The following ZNF429 variants were observed in gnomAD, a reference collection of about 807,000 sequenced individuals.
ZNF429 encodes the protein zinc finger protein 429.
ZNF429 carries 53 observed loss-of-function variants against 56.8 expected under a neutral mutation model. The observed-to-expected ratio is 0.93, with a 90% CI of 0.75 to 1.17. The LOEUF is 1.17. Ranked by LOEUF, ZNF429 falls within the 50% of genes most tolerant of loss-of-function variation. The pLI is 0.00. For synonymous variants in ZNF429, 278 were observed against 264.7 expected (o/e 1.05, Z -0.49); for missense variants, 849 against 788.4 (o/e 1.08, Z -0.92).
At chr19:21,535,332 T>TCTTTCTTTCTTTCTTTCTTGCTC in intron 3 of ZNF429, among the ~76,000 whole-genome samples, 5 of 93,492 alleles carry the variant, frequency 5.3e-5, no homozygotes, top group African/African-American at 2.1e-4. Context: ...TCTTTCTCTT[T>TCTTTCTTTCTTTCTTTCTTGCTC]TCTTTTCTTT....
chr19:21,512,446 G>A (rs1193420991), intron 1 of ZNF429, among the ~76,000 whole-genome samples: 4 of 151,932 alleles, frequency 2.6e-5, no homozygotes, highest in African/African-American at 9.7e-5. Context: ...GATCACCTGA[G>A]GTCAGGAGTT....
At chr19:21,535,476 CT>C in intron 3 of ZNF429, among the ~76,000 whole-genome samples, 53 of 46,650 alleles carry the variant, frequency 1.1e-3, no homozygotes, top group Non-Finnish European at 1.4e-3. Context: ...TTCTTTCTTT[CT>C]TTCTTTCTTT....
chr19:21,522,435 C>G (rs922907096), intron 1 of ZNF429, among the ~76,000 whole-genome samples: 12 of 152,210 alleles, frequency 7.9e-5, no homozygotes, highest in African/African-American at 1.2e-4. Context: ...TATAAAAACT[C>G]TTTTGTTCTA....
intron 3 of ZNF429, among the ~76,000 whole-genome samples, chr19:21,535,970 T>G: frequency 1.3e-5 from 2 of 152,220 alleles, no homozygotes; most frequent in South Asian, 4.1e-4. Flanking sequence ...CCAAAGGCAC[T>G]GTGTTTTATT....
chr19:21,532,259 C>G, intron 3 of ZNF429, among the ~76,000 whole-genome samples: 1 of 149,254 alleles, frequency 6.7e-6, no homozygotes, highest in Non-Finnish European at 1.5e-5. Context: ...TTTTTTTTCA[C>G]AGAAATGCAA....
chr19:21,512,925 G>T (rs1018343191), intron 1 of ZNF429, among the ~76,000 whole-genome samples: 25 of 150,824 alleles, frequency 1.7e-4, no homozygotes, highest in African/African-American at 5.6e-4. Flanking sequence ...ACGCTGGAGT[G>T]CAGTGGCGTG....
At chr19:21,506,890 T>G (rs750026134) in intron 1 of ZNF429, among the ~76,000 whole-genome samples, 2 of 148,856 alleles carry the variant, frequency 1.3e-5, no homozygotes, top group Non-Finnish European at 3.0e-5. Context: ...TGCCTCAGCC[T>G]CCTGAGTAGC....
intron 1 of ZNF429, among the ~76,000 whole-genome samples, chr19:21,523,125 G>GT (rs1291323095): frequency 6.6e-6 from 1 of 152,118 alleles, no homozygotes; most frequent in African/African-American, 2.4e-5. Context: ...TGTGCATTGA[G>GT]TAGACATGTG....
Position 21,536,308 on chromosome 19 carries a change from T to C in ZNF429, c.255T>C (p.Phe85=), listed in dbSNP as rs773133379. 5.0e-5 allele frequency: 79 copies of C among 1,587,326 alleles called. No homozygotes were observed. The highest frequency in any genetic ancestry group is 7.7e-6 in the Non-Finnish European group (9 of 1,170,386). The change falls in exon 4 of 4, where the codon TTT becomes TTC. Residue 85 remains phenylalanine, a synonymous_variant. Transcript: ENST00000358491. ...TGTGTTCTCATTTTGCTGAAGACTT[T>C]TGGCCAGAGCAAGACATAAAAGATT... ...PVVCSHFAED[F]WPEQDIKDSF...
chr19:21,511,948 G>A (rs577360931), intron 1 of ZNF429, among the ~76,000 whole-genome samples: 5 of 152,198 alleles, frequency 3.3e-5, no homozygotes, highest in South Asian at 4.1e-4. Context: ...GTGGCGGTGC[G>A]CGCCTGGAAT....
At chr19:21,527,043 T>C (rs998139163) in intron 1 of ZNF429, among the ~76,000 whole-genome samples, 30 of 152,334 alleles carry the variant, frequency 2.0e-4, no homozygotes, top group African/African-American at 7.2e-4. Flanking sequence ...TATGATACTT[T>C]AGTGTACAGA....
intron 1 of ZNF429, among the ~76,000 whole-genome samples, chr19:21,507,007 A>G (rs971791486): frequency 2.0e-5 from 3 of 152,094 alleles, no homozygotes; most frequent in Admixed American, 2.0e-4. Flanking sequence ...ACCTCGGGTG[A>G]TCCGCCCATC....
intron 1 of ZNF429, among the ~76,000 whole-genome samples, chr19:21,526,409 A>G (rs2033175168): frequency 6.6e-6 from 1 of 152,180 alleles, no homozygotes; most frequent in Non-Finnish European, 1.5e-5. Context: ...GCTCCCACAT[A>G]TCAGTGAGAA....
intron 1 of ZNF429, among the ~76,000 whole-genome samples, chr19:21,510,444 A>G (rs2032396809): frequency 6.6e-6 from 1 of 152,196 alleles, no homozygotes; most frequent in Non-Finnish European, 1.5e-5. Flanking sequence ...CACGCAAGAA[A>G]GAATTTAGAG....
At chr19:21,531,134 A>AAAC in intron 3 of ZNF429, among the ~76,000 whole-genome samples, 9 of 127,206 alleles carry the variant, frequency 7.1e-5, no homozygotes, top group African/African-American at 2.0e-4. Flanking sequence ...AAAAAACCAA[A>AAAC]AAAAAAAAAA....
Position 21,535,330 on chromosome 19 carries a change from T to TC in ZNF429, c.227-950_227-949insC. ...TTCTTTCTTTCTTTCTTTCTTTCTCTTTTCTTTTCTTTCCTTTCCTTTCTT... is the reference window on the plus strand; with the variant it reads ...TTCTTTCTTTCTTTCTTTCTTTCTCTCTTTCTTTTCTTTCCTTTCCTTTCTT... On this transcript the variant is annotated intron_variant, in intron 3 of 3. Coordinates refer to ENST00000358491, the MANE Select transcript of ZNF429 (RefSeq NM_001001415.4). Among the ~76,000 whole-genome samples the TC allele has an allele frequency of 9.3e-3, 724 of 77,732 alleles. 46 individuals are homozygous for TC. Among genetic ancestry groups the TC allele is most frequent in the African/African-American group, 0.02 (333 of 16,860 alleles). The allele number at this position is 77,732 out of a possible 152,430, so 51.0% of individuals were successfully genotyped here.
chr19:21,517,471 G>A (rs2032798735), intron 1 of ZNF429, among the ~76,000 whole-genome samples: 1 of 152,006 alleles, frequency 6.6e-6, no homozygotes, highest in African/African-American at 2.4e-5. Context: ...CAGGGGAAGA[G>A]TTTCTTCTCA....
At position 21,536,567 on chromosome 19, in the gene ZNF429, C is replaced by A. The variant is rs368856212; in HGVS notation, c.514C>A (p.Pro172Thr). The A allele has an allele frequency of 4.3e-6, 7 of 1,610,136 alleles. No individual in the cohort carries two copies. The Admixed American group carries it at 5.0e-5, about 12-fold the overall frequency. ...RYKTRHTGKK[P>T]FQCKKCGKSF... The stretch of plus-strand genomic sequence containing the variant: ...CAAGACAAGACATACTGGAAAGAAA[C>A]CTTTCCAGTGTAAAAAATGTGGCAA... Residue 172 changes from proline to threonine, a missense_variant, in exon 4 of 4, where the codon CCT becomes ACT. Transcript: ENST00000358491.
intron 1 of ZNF429, among the ~76,000 whole-genome samples, chr19:21,527,717 C>T (rs1282697355): frequency 6.6e-6 from 1 of 152,048 alleles, no homozygotes; most frequent in Admixed American, 6.6e-5. Flanking sequence ...TTTTGCAAGT[C>T]TTGATTCTTC....
Sources: allele counts gnomAD v4.1 joint callset (sites outside exome capture counted in the v4.1 genomes callset), GRCh38; gene constraint gnomAD v4.1.1; transcripts MANE v1.5; gene names NCBI Gene and HGNC (gene_info 2026-07-23, HGNC 2026-07-21).